The following LRPAP1 variants were observed in gnomAD, a reference collection of about 807,000 sequenced individuals.
LRPAP1 encodes LDL receptor related protein associated protein 1.
In LRPAP1, 41 loss-of-function variants were observed where a neutral mutation model predicts 39.9. That is an observed-to-expected ratio of 1.03 (90% CI 0.80 to 1.33). The LOEUF (loss-of-function observed/expected upper bound fraction) is 1.33. Ranked by LOEUF, LRPAP1 falls within the 40% of genes most tolerant of loss-of-function variation. LRPAP1 has a pLI of 0.00. For missense variants in LRPAP1, 565 were observed against 482.3 expected, an observed-to-expected ratio of 1.17 and a Z score of -1.61; for synonymous variants, 263 against 212.7, an observed-to-expected ratio of 1.24 and a Z score of -2.06.
At position 3,512,617 on chromosome 4, in the gene LRPAP1, C is replaced by T. The variant is rs139057451; in HGVS notation, c.*357G>A. On this transcript the variant is annotated 3_prime_UTR_variant, in exon 8 of 8. Transcript: ENST00000650182. ...TTAAGGACTCTGTGCATGGTATTTC[C>T]GGTGGCAGATGTGTAAGATTTTTTA... 510 of 264,420 alleles carry T rather than the reference C, an allele frequency of 1.9e-3. 4 individuals carry two copies. The highest frequency in any genetic ancestry group is 0.01 in the African/African-American group (465 of 45,620). The allele number at this position is 264,420 out of a possible 1,614,324, so 16.4% of individuals were successfully genotyped here. A position where few individuals can be genotyped will look rare whatever the true frequency, so the allele number is the denominator to read the frequency against.
At chr4:3,526,300 A>AC (rs1477023778) in intron 1 of LRPAP1, among the ~76,000 whole-genome samples, 3 of 152,132 alleles carry the variant, frequency 2.0e-5, no homozygotes, top group Admixed American at 6.5e-5. Context: ...CTAGGAGGGA[A>AC]CCCCAGCTCC....
intron 1 of LRPAP1, among the ~76,000 whole-genome samples, chr4:3,531,070 C>G (rs2108699930): frequency 6.6e-6 from 1 of 152,224 alleles, no homozygotes; most frequent in South Asian, 2.1e-4. Context: ...CAGCCGTGTC[C>G]CCAGCCCCTC....
Position 3,532,387 on chromosome 4 carries a change from A to T in LRPAP1, c.26T>A (p.Phe9Tyr), listed in dbSNP as rs781325942. 1.3e-6 allele frequency: 2 copies of T among 1,589,152 alleles called. No individual in the cohort carries two copies. Among genetic ancestry groups the T allele is most frequent in the Admixed American group, 1.7e-5 (1 of 57,482 alleles). ...TAGCAGCGCCGGGAGCCCGCGCAGA[A>T]ACGACCTGACCCTCCGCGGCGCCAT... MAPRRVRS[F>Y]LRGLPALLLL... Residue 9 changes from phenylalanine (F) to tyrosine (Y), a missense_variant, in exon 1 of 8, where the codon TTT (phenylalanine) becomes TAT (tyrosine). Transcript: ENST00000650182.
chr4:3,514,374 C>T (rs1490104005), intron 7 of LRPAP1, among the ~76,000 whole-genome samples: 1 of 152,204 alleles, frequency 6.6e-6, no homozygotes, highest in African/African-American at 2.4e-5. Flanking sequence ...TGCCCCTCCT[C>T]CCCTCACATC....
chr4:3,529,354 A>C (rs1730176865), intron 1 of LRPAP1, among the ~76,000 whole-genome samples: 1 of 151,968 alleles, frequency 6.6e-6, no homozygotes, highest in African/African-American at 2.4e-5. Context: ...AACCAAAAAA[A>C]CTAAGGACCT....
At chr4:3,521,547 CT>C (rs1028502149) in intron 2 of LRPAP1, among the ~76,000 whole-genome samples, 3 of 152,246 alleles carry the variant, frequency 2.0e-5, no homozygotes, top group Non-Finnish European at 4.4e-5. Flanking sequence ...CTCAGGCCTC[CT>C]TTCTCATCGA....
intron 7 of LRPAP1, among the ~76,000 whole-genome samples, chr4:3,513,550 C>T (rs182218517): frequency 5.9e-5 from 9 of 152,314 alleles, no homozygotes; most frequent in Admixed American, 5.9e-4. Context: ...CTCAGATGAT[C>T]CACCCACCTC....
intron 7 of LRPAP1, among the ~76,000 whole-genome samples, chr4:3,514,021 C>T (rs1399657094): frequency 6.6e-6 from 1 of 152,234 alleles, no homozygotes; most frequent in Non-Finnish European, 1.5e-5. Context: ...TGCACGCTAG[C>T]ATTCCATCCC....
At chr4:3,520,004 C>T (rs1248052074) in intron 3 of LRPAP1, 68 bp downstream of exon 3, 4 of 1,569,940 alleles carry the variant, frequency 2.5e-6, no homozygotes, top group Non-Finnish European at 3.5e-6. Flanking sequence ...CTGCCCCTCA[C>T]AGCCCCCGCC....
rs1729568374 is a variant in LRPAP1 at position 3,512,757 on chromosome 4, A to G, written c.*217T>C. ...TGCTGAGTGGAAGCCAAGCCCCTTC[A>G]GTCAGAGCTGGGCCGATCTCAGACC... On this transcript the variant is annotated 3_prime_UTR_variant, in exon 8 of 8. Coordinates refer to ENST00000650182, the MANE Select transcript of LRPAP1 (RefSeq NM_002337.4). The G allele has an allele frequency of 3.6e-6, 2 of 558,892 alleles. No individual in the cohort carries two copies. Among genetic ancestry groups the G allele is most frequent in the African/African-American group, 1.9e-5 (1 of 53,078 alleles). The allele number at this position is 558,892 out of a possible 1,614,324, so 34.6% of individuals were successfully genotyped here.
At position 3,514,936 on chromosome 4, in the gene LRPAP1, A is replaced by G. The variant is rs1266483605; in HGVS notation, c.835-8T>C. 6.2e-7 allele frequency: 1 copy of G among 1,613,252 alleles called. No homozygotes were observed. The highest frequency in any genetic ancestry group is 1.1e-5 in the South Asian group (1 of 91,080). On this transcript the variant is annotated splice_region_variant and splice_polypyrimidine_tract_variant and intron_variant, in intron 6 of 7. Transcript: ENST00000650182. ...GAAGTGCTTGAGCTCCTCCTGGAAC[A>G]AGGTTTCCATAGGTGAGTGTTCCCT...
intron 6 of LRPAP1, 69 bp downstream of exon 6, chr4:3,516,047 T>G: frequency 6.9e-7 from 1 of 1,452,436 alleles, no homozygotes; most frequent in Non-Finnish European, 9.4e-7. Flanking sequence ...CTGCATTTCC[T>G]TACCCGGAAA....
At position 3,532,383 on chromosome 4, in the gene LRPAP1, C is replaced by A. The variant is rs777628775; in HGVS notation, c.30G>T (p.Leu10=). The A allele has an allele frequency of 6.3e-7, 1 of 1,590,444 alleles. No homozygotes were observed. Among genetic ancestry groups the A allele is most frequent in the Non-Finnish European group, 8.6e-7 (1 of 1,169,138 alleles). Residue 10 remains leucine, a synonymous_variant, in exon 1 of 8, where the codon CTG becomes CTT. Coordinates refer to ENST00000650182, the MANE Select transcript of LRPAP1 (RefSeq NM_002337.4). ...GCAGTAGCAGCGCCGGGAGCCCGCG[C>A]AGAAACGACCTGACCCTCCGCGGCG... is the stretch of plus-strand genomic sequence containing the variant. MAPRRVRSF[L]RGLPALLLLL... is the part of the protein sequence containing the mutation.
intron 1 of LRPAP1, 77 bp downstream of exon 1, chr4:3,532,132 C>T (rs1032812013): frequency 2.0e-6 from 3 of 1,494,788 alleles, no homozygotes; most frequent in Non-Finnish European, 2.7e-6. Context: ...GCCTCCGACC[C>T]CTGGGCCCCG....
At chr4:3,532,057 C>T (rs1038510392) in intron 1 of LRPAP1, 152 bp downstream of exon 1, 3 of 853,702 alleles carry the variant, frequency 3.5e-6, no homozygotes, top group Non-Finnish European at 5.2e-6. Context: ...CCACCTGACA[C>T]TTGGGGGAGG....
intron 6 of LRPAP1, among the ~76,000 whole-genome samples, chr4:3,515,231 G>A (rs1448099656): frequency 2.0e-5 from 3 of 152,334 alleles, no homozygotes; most frequent in African/African-American, 4.8e-5. Context: ...TCCAGGGGCT[G>A]TGCTTCTGTG....
chr4:3,519,063 A>C, intron 3 of LRPAP1, 72 bp from the exon 4 acceptor site: 4 of 1,568,088 alleles, frequency 2.6e-6, no homozygotes, highest in East Asian at 2.3e-5. Flanking sequence ...TCAGCCAACC[A>C]CTCCTCATGG....
intron 1 of LRPAP1, among the ~76,000 whole-genome samples, chr4:3,530,330 G>A (rs544951133): frequency 3.3e-5 from 5 of 152,294 alleles, no homozygotes; most frequent in South Asian, 2.1e-4. Flanking sequence ...CCAAGCTTCC[G>A]TTATCTGGAA....
rs751890283 is a variant in LRPAP1, at chr4:3,514,946, T to C, written c.835-18A>G. ...AGCTCCTCCTGGAACAAGGTTTCCA[T>C]AGGTGAGTGTTCCCTTCCCGTGCTC... On this transcript the variant is annotated intron_variant, in intron 6 of 7. Transcript: ENST00000650182. 88 of 1,611,658 alleles carry C rather than the reference T, an allele frequency of 5.5e-5. No individual in the cohort carries two copies. Among genetic ancestry groups the C allele is most frequent in the Non-Finnish European group, 6.8e-5 (80 of 1,178,498 alleles).
Sources: gnomAD v4.1 joint callset for allele counts (sites outside exome capture counted in the v4.1 genomes callset) on GRCh38, gnomAD v4.1.1 for gene constraint, MANE v1.5 for transcripts, NCBI Gene and HGNC (gene_info 2026-07-23, HGNC 2026-07-21) for gene names.